The following ADGRL3 variants were observed in gnomAD, a reference collection of about 807,000 sequenced individuals.
ADGRL3 encodes the protein adhesion G protein-coupled receptor L3.
A neutral mutation model predicts 153.5 loss-of-function variants in ADGRL3; 62 were observed. That is an observed-to-expected ratio of 0.40 (90% CI 0.33 to 0.50). The LOEUF (loss-of-function observed/expected upper bound fraction) is 0.50. Among genes scored for constraint, ADGRL3 ranks in the 20% least tolerant of loss-of-function variants. The pLI, the probability that ADGRL3 is intolerant of heterozygous loss-of-function variation, is 0.47. For synonymous variants in ADGRL3, 710 were observed against 672.5 expected (o/e 1.06, Z -0.86); for missense variants, 1,641 against 1,859.4 (o/e 0.88, Z 2.16).
intron 4 of ADGRL3, among the ~76,000 whole-genome samples, chr4:61,569,552 G>A (rs1045688514): frequency 6.6e-6 from 1 of 152,092 alleles, no homozygotes; most frequent in Admixed American, 6.6e-5. Context: ...GGGCAATATA[G>A]CAATACCTTG....
At chr4:61,238,284 C>T (rs751741878) in intron 1 of ADGRL3, among the ~76,000 whole-genome samples, 2 of 152,096 alleles carry the variant, frequency 1.3e-5, no homozygotes, top group Non-Finnish European at 2.9e-5. Flanking sequence ...CACTGTGGTA[C>T]TACATTTTAA....
intron 9 of ADGRL3, among the ~76,000 whole-genome samples, chr4:61,861,915 A>T (rs141041897): frequency 6.2e-4 from 94 of 152,268 alleles, no homozygotes; most frequent in African/African-American, 2.2e-3. Flanking sequence ...GATTGACTTC[A>T]CAACACAGCT....
intron 2 of ADGRL3, among the ~76,000 whole-genome samples, chr4:61,430,500 A>G (rs752252816): frequency 1.2e-4 from 19 of 152,214 alleles, no homozygotes; most frequent in Non-Finnish European, 2.4e-4. Flanking sequence ...AAGACACTGT[A>G]CATGCAACTT....
intron 2 of ADGRL3, among the ~76,000 whole-genome samples, chr4:61,417,567 C>T (rs1036220530): frequency 6.0e-5 from 9 of 149,226 alleles, no homozygotes; most frequent in African/African-American, 2.0e-4. Context: ...TTGTGAAGCA[C>T]TGGTTTCGAA....
chr4:61,229,901 T>TAA (rs1176273567), intron 1 of ADGRL3, among the ~76,000 whole-genome samples: 60 of 150,424 alleles, frequency 4.0e-4, no homozygotes, highest in Admixed American at 2.0e-3. Flanking sequence ...ACCCTGTTCT[T>TAA]AAATATATAT....
In ADGRL3 at chr4:61,627,721, T is replaced by C. The variant is rs1171185106; in HGVS notation, c.473+40281T>C. Among the ~76,000 whole-genome samples, 3 of 152,120 alleles carry C rather than the reference T, an allele frequency of 2.0e-5. No individual in the cohort carries two copies. The East Asian group carries it at 5.8e-4, about 29-fold the overall frequency. ...AAAGACTGCATTTTACAAAATAGAATAAATGGTAGGGTTTGGGTATTTCGA... is the reference window on the plus strand; with the variant it reads ...AAAGACTGCATTTTACAAAATAGAACAAATGGTAGGGTTTGGGTATTTCGA... On this transcript the variant is annotated intron_variant, in intron 5 of 26. Transcript: ENST00000683033.
intron 13 of ADGRL3, among the ~76,000 whole-genome samples, chr4:61,921,129 C>A (rs2098767033): frequency 6.6e-6 from 1 of 151,862 alleles, no homozygotes; most frequent in African/African-American, 2.4e-5. Context: ...TGAGATTAAT[C>A]ATTTTGTCTA....
intron 4 of ADGRL3, among the ~76,000 whole-genome samples, chr4:61,577,403 T>G (rs1175716191): frequency 6.6e-6 from 1 of 152,092 alleles, no homozygotes; most frequent in African/African-American, 2.4e-5. Context: ...TCACTAAGTT[T>G]CTTCTGTTAA....
chr4:61,661,209 A>C (rs1430031071), intron 5 of ADGRL3, among the ~76,000 whole-genome samples: 1 of 152,084 alleles, frequency 6.6e-6, no homozygotes, highest in Non-Finnish European at 1.5e-5. Flanking sequence ...AGTTTTTAAA[A>C]ATTATTTCAC....
At chr4:61,914,712 TG>T (rs2098737400) in intron 13 of ADGRL3, among the ~76,000 whole-genome samples, 1 of 152,154 alleles carries the variant, frequency 6.6e-6, no homozygotes, top group South Asian at 2.1e-4. Context: ...ACTATCCTTC[TG>T]GGTAGTATAG....
chr4:61,756,118 A>G (rs1375426815), intron 8 of ADGRL3, among the ~76,000 whole-genome samples: 4 of 152,240 alleles, frequency 2.6e-5, no homozygotes, highest in East Asian at 1.9e-4. Context: ...TTTTGGTTCC[A>G]TATGAACTTT....
intron 6 of ADGRL3, among the ~76,000 whole-genome samples, chr4:61,721,167 A>T (rs1029289459): frequency 2.6e-5 from 4 of 152,134 alleles, no homozygotes; most frequent in African/African-American, 9.7e-5. Context: ...GACTAATAGG[A>T]TAGATGTATA....
chr4:61,326,518 ATATTT>A (rs2095468886), intron 1 of ADGRL3, among the ~76,000 whole-genome samples: 1 of 151,146 alleles, frequency 6.6e-6, no homozygotes, highest in African/African-American at 2.4e-5. Context: ...AATTTTTATT[ATATTT>A]TATTTAGGAG....
At chr4:61,599,123 C>T (rs1367561101) in intron 5 of ADGRL3, among the ~76,000 whole-genome samples, 1 of 152,184 alleles carries the variant, frequency 6.6e-6, no homozygotes, top group African/African-American at 2.4e-5. Flanking sequence ...CATTTTTATA[C>T]TTAGGCTCAA....
At chr4:61,663,262 C>G (rs73825913) in intron 5 of ADGRL3, among the ~76,000 whole-genome samples, 3,346 of 152,278 alleles carry the variant, frequency 0.022, 95 homozygotes, top group East Asian at 0.12. Flanking sequence ...TAGGAGCTCC[C>G]TGAGCCAGGG....
chr4:61,840,092 TTTTA>T (rs2098005337), intron 9 of ADGRL3, among the ~76,000 whole-genome samples: 1 of 152,206 alleles, frequency 6.6e-6, no homozygotes, highest in African/African-American at 2.4e-5. Context: ...TTACTTTTAT[TTTTA>T]TTTGAGAAGG....
intron 1 of ADGRL3, among the ~76,000 whole-genome samples, chr4:61,261,338 TATACTTTAA>T (rs542474414): frequency 7.2e-5 from 11 of 152,194 alleles, no homozygotes; most frequent in Admixed American, 3.3e-4. Context: ...TGCCCTCCTG[TATACTTTAA>T]ATCATTTCTA....
At chr4:61,744,107 T>C (rs1308780505) in intron 8 of ADGRL3, among the ~76,000 whole-genome samples, 1 of 152,100 alleles carries the variant, frequency 6.6e-6, no homozygotes, top group African/African-American at 2.4e-5. Flanking sequence ...GTCTCGCTGA[T>C]TGCTAGCACA....
intron 17 of ADGRL3, among the ~76,000 whole-genome samples, chr4:61,975,130 A>G (rs1411187743): frequency 1.3e-5 from 2 of 152,200 alleles, no homozygotes; most frequent in African/African-American, 4.8e-5. Context: ...CACAGAAAAT[A>G]AGTAGAAAAA....
Sources: allele counts gnomAD v4.1 joint callset (sites outside exome capture counted in the v4.1 genomes callset), GRCh38; gene constraint gnomAD v4.1.1; transcripts MANE v1.5; gene names NCBI Gene and HGNC (gene_info 2026-07-23, HGNC 2026-07-21).